Variants in UTRN observed in about 807,000 individuals in gnomAD.
UTRN encodes the protein utrophin.
A neutral mutation model predicts 463.9 loss-of-function variants in UTRN; 283 were observed. The ratio of observed to expected loss-of-function variants is 0.61; its 90% CI spans 0.55 to 0.67. The LOEUF (loss-of-function observed/expected upper bound fraction) is 0.67, where lower values mean the gene tolerates loss of function less well. UTRN is among the 30% of genes least tolerant of loss of function. The pLI is 0.00. For missense variants in UTRN, 3,922 were observed against 4,084.3 expected (o/e 0.96, Z 1.08); for synonymous variants, 1,442 against 1,431.5 (o/e 1.01, Z -0.17).
At chr6:144,450,036 C>G (rs1788102358) in intron 17 of UTRN, among the ~76,000 whole-genome samples, 1 of 152,166 alleles carries the variant, frequency 6.6e-6, no homozygotes. Context: ...CCTCTTGTTC[C>G]TCCTTGCTGT....
At chr6:144,761,379 G>A (rs1792653158) in intron 58 of UTRN, among the ~76,000 whole-genome samples, 1 of 152,032 alleles carries the variant, frequency 6.6e-6, no homozygotes, top group Admixed American at 6.6e-5. Flanking sequence ...AATGGGGCCG[G>A]GTGCAGTGGC....
chr6:144,347,105 G>A (rs1429400878), intron 2 of UTRN, among the ~76,000 whole-genome samples: 1 of 152,204 alleles, frequency 6.6e-6, no homozygotes, highest in African/African-American at 2.4e-5. Context: ...CACTGCTCAG[G>A]AAACCACTCC....
At chr6:144,521,936 GAT>G (rs371296883) in intron 39 of UTRN, 42 bp from the exon 40 acceptor site, 13,922 of 814,600 alleles carry the variant, frequency 0.017, no homozygotes, top group Non-Finnish European at 0.019. Flanking sequence ...TATTTTAAGA[GAT>G]ATATATATAT....
At chr6:144,663,206 C>T (rs909260722) in intron 51 of UTRN, among the ~76,000 whole-genome samples, 3 of 152,088 alleles carry the variant, frequency 2.0e-5, no homozygotes, top group African/African-American at 7.2e-5. Context: ...AACTTCTTAC[C>T]AGGGGAGGAT....
intron 66 of UTRN, among the ~76,000 whole-genome samples, chr6:144,822,497 C>T (rs1362424967): frequency 6.6e-6 from 1 of 152,062 alleles, no homozygotes; most frequent in Non-Finnish European, 1.5e-5. Context: ...TATATTCTTT[C>T]CACTTGATAT....
chr6:144,440,762 C>T (rs1405079079), intron 13 of UTRN, among the ~76,000 whole-genome samples: 1 of 152,084 alleles, frequency 6.6e-6, no homozygotes, highest in Non-Finnish European at 1.5e-5. Context: ...TCCGTTTTCA[C>T]ACTGCTGATA....
At chr6:144,572,250 C>CT (rs1175746505) in intron 50 of UTRN, among the ~76,000 whole-genome samples, 2 of 151,980 alleles carry the variant, frequency 1.3e-5, no homozygotes, top group Non-Finnish European at 2.9e-5. Context: ...GGCTGGATCT[C>CT]TTTTTTATGC....
chr6:144,334,579 C>T lies in UTRN; in HGVS notation c.79+42672C>T, dbSNP rs191188673. The stretch of plus-strand genomic sequence containing the variant: ...AGCAGCTGCTGCCGCCACCTGATAC[C>T]TGGAACCTTACTGCTATTGAGGAAC... On this transcript the variant is annotated intron_variant, in intron 2 of 74. Coordinates refer to ENST00000367545, the MANE Select transcript of UTRN (RefSeq NM_007124.3). Among the ~76,000 whole-genome samples the T allele has an allele frequency of 3.9e-5, 6 of 152,296 alleles. 1 individual carries two copies. The highest frequency in any genetic ancestry group is 7.2e-5 in the African/African-American group (3 of 41,554).
chr6:144,352,055 C>A (rs1202284294), intron 2 of UTRN, among the ~76,000 whole-genome samples: 2 of 152,142 alleles, frequency 1.3e-5, no homozygotes, highest in Non-Finnish European at 2.9e-5. Context: ...TTTAGCTTCT[C>A]CTTGGACTCA....
chr6:144,522,889 G>A, intron 40 of UTRN, 127 bp from the exon 41 acceptor site: 1 of 811,850 alleles, frequency 1.2e-6, no homozygotes, highest in Non-Finnish European at 1.8e-6. Flanking sequence ...CAGTTTTCAT[G>A]ATTAACAATG....
At chr6:144,343,363 AACACACAC>A (rs3061626) in intron 2 of UTRN, among the ~76,000 whole-genome samples, 10,911 of 135,318 alleles carry the variant, frequency 0.081, 546 homozygotes, top group African/African-American at 0.14. Context: ...GTCTCTACTA[AACACACAC>A]ACACACACAC....
chr6:144,524,866 C>A (rs1439696131), intron 41 of UTRN, among the ~76,000 whole-genome samples: 1 of 152,096 alleles, frequency 6.6e-6, no homozygotes, highest in African/African-American at 2.4e-5. Flanking sequence ...AGGTATGTTC[C>A]TTCTATGCCA....
chr6:144,305,751 G>T (rs1007079442), intron 2 of UTRN, among the ~76,000 whole-genome samples: 17 of 152,200 alleles, frequency 1.1e-4, no homozygotes, highest in African/African-American at 4.1e-4. Flanking sequence ...TTGACCAGTA[G>T]GCTTTTGGCT....
chr6:144,383,319 C>T (rs12110410), intron 2 of UTRN, among the ~76,000 whole-genome samples: 12,006 of 152,266 alleles, frequency 0.079, 1,578 homozygotes, highest in African/African-American at 0.27. Context: ...TTTCTTTCCT[C>T]AGACTTATCT....
intron 52 of UTRN, among the ~76,000 whole-genome samples, chr6:144,696,811 A>C (rs1784051241): frequency 6.6e-6 from 1 of 152,148 alleles, no homozygotes; most frequent in African/African-American, 2.4e-5. Context: ...ACTGTATTTT[A>C]TTTTAACCAA....
chr6:144,347,299 CTG>C (rs1312206567), intron 2 of UTRN, among the ~76,000 whole-genome samples: 1 of 152,212 alleles, frequency 6.6e-6, no homozygotes, highest in East Asian at 1.9e-4. Flanking sequence ...AGGCCCTGCT[CTG>C]TAGCTTGTCA....
chr6:144,345,403 A>G (rs751584064), intron 2 of UTRN, among the ~76,000 whole-genome samples: 3 of 152,190 alleles, frequency 2.0e-5, no homozygotes, highest in Non-Finnish European at 4.4e-5. Context: ...GGCCAGGCAC[A>G]ATGGCTCATA....
At chr6:144,635,293 G>A (rs1333699092) in intron 51 of UTRN, among the ~76,000 whole-genome samples, 1 of 151,438 alleles carries the variant, frequency 6.6e-6, no homozygotes, top group African/African-American at 2.4e-5. Flanking sequence ...TGGGACCACA[G>A]GCACACACCA....
chr6:144,782,172 G>T, intron 61 of UTRN, 49 bp downstream of exon 61: 2 of 1,442,166 alleles, frequency 1.4e-6, no homozygotes. Flanking sequence ...AATGAAATAT[G>T]TTAATAGAAA....
Sources: allele counts gnomAD v4.1 joint callset (sites outside exome capture counted in the v4.1 genomes callset), GRCh38; gene constraint gnomAD v4.1.1; transcripts MANE v1.5; gene names NCBI Gene and HGNC (gene_info 2026-07-23, HGNC 2026-07-21).